The following RBFOX1 variants were observed in gnomAD, a reference collection of about 807,000 sequenced individuals.
RBFOX1 encodes the protein RNA binding fox-1 homolog 1, also known as RNA binding protein fox-1 homolog 1.
In RBFOX1, 8 loss-of-function variants were observed where a neutral mutation model predicts 57.7. The ratio of observed to expected loss-of-function variants is 0.14; its 90% CI spans 0.08 to 0.25. The LOEUF is 0.25. Among genes scored for constraint, RBFOX1 ranks in the 10% least tolerant of loss-of-function variants. RBFOX1 has a pLI of 1.00. For synonymous variants in RBFOX1, 326 were observed against 222.4 expected, an observed-to-expected ratio of 1.47 and a Z score of -4.15; for missense variants, 611 against 548.5, an observed-to-expected ratio of 1.11 and a Z score of -1.14.
intron 1 of RBFOX1, among the ~76,000 whole-genome samples, chr16:6,162,766 C>G (rs2096889093): frequency 6.6e-6 from 1 of 152,158 alleles, no homozygotes; most frequent in Non-Finnish European, 1.5e-5. Context: ...TGGAGTCTTG[C>G]TCTGTCACCC....
chr16:6,798,241 C>G (rs1184241218), intron 3 of RBFOX1, among the ~76,000 whole-genome samples: 1 of 151,994 alleles, frequency 6.6e-6, no homozygotes, highest in African/African-American at 2.4e-5. Context: ...GATACTAGTC[C>G]CAGAGAAGAG....
chr16:6,477,584 A>C (rs1597808517), intron 2 of RBFOX1, among the ~76,000 whole-genome samples: 1 of 152,148 alleles, frequency 6.6e-6, no homozygotes, highest in African/African-American at 2.4e-5. Flanking sequence ...TAGGCAGAGT[A>C]GATTTAGAGT....
chr16:5,418,720 C>T (rs1430412894), intron 1 of RBFOX1, among the ~76,000 whole-genome samples: 1 of 152,108 alleles, frequency 6.6e-6, no homozygotes, highest in Non-Finnish European at 1.5e-5. Context: ...TCCCAATGTT[C>T]CTTCATCCTT....
At chr16:7,358,540 C>T (rs2097260815) in intron 4 of RBFOX1, among the ~76,000 whole-genome samples, 1 of 152,070 alleles carries the variant, frequency 6.6e-6, no homozygotes, top group South Asian at 2.1e-4. Flanking sequence ...CTTGCCTCAG[C>T]CTCCCTAGCA....
chr16:6,807,234 C>T (rs1447975551), intron 3 of RBFOX1, among the ~76,000 whole-genome samples: 1 of 152,038 alleles, frequency 6.6e-6, no homozygotes, highest in African/African-American at 2.4e-5. Flanking sequence ...GTTCAAGTGA[C>T]AGCTGATGCC....
At chr16:7,015,896 C>T (rs1012712979) in intron 3 of RBFOX1, among the ~76,000 whole-genome samples, 7 of 151,736 alleles carry the variant, frequency 4.6e-5, no homozygotes, top group African/African-American at 1.7e-4. Context: ...AGGTAAGCAA[C>T]GTGTTTCAGG....
chr16:7,663,764 T>C (rs2068421870), intron 12 of RBFOX1, among the ~76,000 whole-genome samples: 1 of 152,198 alleles, frequency 6.6e-6, no homozygotes, highest in African/African-American at 2.4e-5. Context: ...AATAGGCATT[T>C]AGAAACAGCT....
chr16:7,016,272 C>G (rs1235151234), intron 3 of RBFOX1, among the ~76,000 whole-genome samples: 1 of 152,122 alleles, frequency 6.6e-6, no homozygotes, highest in Non-Finnish European at 1.5e-5. Flanking sequence ...CAAGATCTGT[C>G]TCGGACATGT....
chr16:6,222,745 C>A (rs1017480975), intron 1 of RBFOX1, among the ~76,000 whole-genome samples: 1 of 150,414 alleles, frequency 6.6e-6, no homozygotes, highest in Non-Finnish European at 1.5e-5. Context: ...TACATGTGCA[C>A]AATGTGCAGG....
chr16:5,315,630 A>G (rs1254615906), intron 1 of RBFOX1, among the ~76,000 whole-genome samples: 2 of 152,178 alleles, frequency 1.3e-5, no homozygotes, highest in Non-Finnish European at 2.9e-5. Flanking sequence ...CCTGTTTGTC[A>G]CGTACAGAAA....
At chr16:5,282,063 T>A (rs112287042) in intron 1 of RBFOX1, among the ~76,000 whole-genome samples, 197 of 152,300 alleles carry the variant, frequency 1.3e-3, no homozygotes, top group African/African-American at 4.4e-3. Context: ...CAGTGGGACG[T>A]AGTTGAATTG....
chr16:6,602,173 G>T (rs1472281200), intron 2 of RBFOX1, among the ~76,000 whole-genome samples: 1 of 151,674 alleles, frequency 6.6e-6, no homozygotes, highest in Non-Finnish European at 1.5e-5. Context: ...GTAGTTTGTT[G>T]TTGCTGCTGT....
chr16:6,865,125 C>T (rs1203842267), intron 3 of RBFOX1, among the ~76,000 whole-genome samples: 4 of 151,262 alleles, frequency 2.6e-5, no homozygotes, highest in African/African-American at 7.3e-5. Context: ...CCCTTAGCCT[C>T]CCAAGTAGCT....
At position 5,941,201 on chromosome 16, in the gene RBFOX1, A is replaced by C. The variant is rs180864780; in HGVS notation, c.351+73866A>C. Among the ~76,000 whole-genome samples, 40 of 152,278 alleles carry C rather than the reference A, an allele frequency of 2.6e-4. No individual in the cohort carries two copies. The East Asian group carries it at 7.3e-3, about 28-fold the overall frequency. On this transcript the variant is annotated intron_variant, in intron 4 of 19. Coordinates refer to the RBFOX1 transcript ENST00000641259. ...TACAATAATGTAGTTTTAAAAAGTA[A>C]AGAAGGGCCCAGGAGTGATTGCTCA...
intron 1 of RBFOX1, among the ~76,000 whole-genome samples, chr16:6,297,133 A>C (rs368347919): frequency 1.3e-5 from 2 of 152,184 alleles, no homozygotes; most frequent in Non-Finnish European, 2.9e-5. Flanking sequence ...GAGGACCACC[A>C]GAAGTCAGTG....
At chr16:6,318,891 G>C (rs2081418680) in intron 2 of RBFOX1, among the ~76,000 whole-genome samples, 2 of 151,772 alleles carry the variant, frequency 1.3e-5, no homozygotes, top group African/African-American at 4.8e-5. Flanking sequence ...CCCTCTTAGT[G>C]TATCTAGTAG....
intron 3 of RBFOX1, among the ~76,000 whole-genome samples, chr16:6,809,241 C>T (rs1289098888): frequency 6.6e-6 from 1 of 152,124 alleles, no homozygotes; most frequent in Non-Finnish European, 1.5e-5. Flanking sequence ...TCATGTGATT[C>T]TGGGGGCTGC....
intron 3 of RBFOX1, among the ~76,000 whole-genome samples, chr16:6,748,101 A>C (rs1172129152): frequency 6.6e-6 from 1 of 152,132 alleles, no homozygotes; most frequent in Non-Finnish European, 1.5e-5. Context: ...TTGTATATGT[A>C]ATTATTATCT....
chr16:7,625,689 G>C (rs965479965), intron 10 of RBFOX1, among the ~76,000 whole-genome samples: 4 of 152,254 alleles, frequency 2.6e-5, no homozygotes, highest in African/African-American at 9.6e-5. Context: ...AAATTATGTA[G>C]GAAAAGTTCT....
Sources: gnomAD v4.1 joint callset for allele counts (sites outside exome capture counted in the v4.1 genomes callset) on GRCh38, gnomAD v4.1.1 for gene constraint, MANE v1.5 for transcripts, NCBI Gene and HGNC (gene_info 2026-07-23, HGNC 2026-07-21) for gene names.